TTC28: variants seen among roughly 807,000 people sequenced by gnomAD.
The protein encoded by TTC28 is tetratricopeptide repeat domain 28.
Under a neutral mutation model 198.0 loss-of-function variants are expected in TTC28, and 61 were observed. The ratio of observed to expected loss-of-function variants is 0.31; its 90% CI spans 0.25 to 0.38. TTC28 has a LOEUF of 0.38. Among genes scored for constraint, TTC28 ranks in the 10% least tolerant of loss-of-function variants. The pLI, the probability that TTC28 is intolerant of heterozygous loss-of-function variation, is 1.00. For synonymous variants in TTC28, 1,171 were observed against 1,297.8 expected, an observed-to-expected ratio of 0.90 and a Z score of 2.10; for missense variants, 2,678 against 3,164.0, an observed-to-expected ratio of 0.85 and a Z score of 3.69.
intron 2 of TTC28, among the ~76,000 whole-genome samples, chr22:28,567,961 A>T (rs561654386): frequency 2.0e-5 from 3 of 152,186 alleles, no homozygotes; most frequent in Non-Finnish European, 4.4e-5. Flanking sequence ...AGGGAAGTTT[A>T]GATAATTGGG....
At chr22:27,996,473 A>T (rs1937554431) in intron 16 of TTC28, 1 of 668,768 alleles carries the variant, frequency 1.5e-6, no homozygotes, top group African/African-American at 1.8e-5. Context: ...AATATTGTTC[A>T]GCTGTTCAGG....
intron 2 of TTC28, among the ~76,000 whole-genome samples, chr22:28,374,956 C>T (rs1296353657): frequency 6.6e-6 from 1 of 151,572 alleles, no homozygotes; most frequent in Non-Finnish European, 1.5e-5. Context: ...GGAGCAGTGG[C>T]TCATGCCTGT....
intron 6 of TTC28, among the ~76,000 whole-genome samples, chr22:28,114,940 A>G (rs1942591453): frequency 6.6e-6 from 1 of 152,102 alleles, no homozygotes; most frequent in Non-Finnish European, 1.5e-5. Flanking sequence ...ATTTGACTTC[A>G]GCTAAAAGCA....
chr22:28,025,788 T>C (rs1938807377), intron 13 of TTC28, among the ~76,000 whole-genome samples: 1 of 152,208 alleles, frequency 6.6e-6, no homozygotes, highest in African/African-American at 2.4e-5. Context: ...GAGGATCACT[T>C]GAGCCCAGGA....
Position 27,996,419 on chromosome 22 carries a change from G to A in TTC28, c.5120-160C>T, listed in dbSNP as rs1385208428. On this transcript the variant is annotated intron_variant, in intron 16 of 22. Transcript: ENST00000397906. ...GCTGGCCTGGGGCATCTGACTCACT[G>A]GATGGTGATGTGGCACCCTTTTGTC... is the stretch of plus-strand genomic sequence containing the variant. The A allele has an allele frequency of 1.1e-5, 11 of 1,007,734 alleles. No individual in the cohort carries two copies. The Admixed American group carries it at 3.1e-4, about 29-fold the overall frequency. 62.4% of individuals were successfully genotyped at this position (1,007,734 alleles called of 1,614,324 possible).
At chr22:28,084,580 T>C (rs1280048637) in intron 12 of TTC28, among the ~76,000 whole-genome samples, 2 of 152,052 alleles carry the variant, frequency 1.3e-5, no homozygotes, top group Admixed American at 6.6e-5. Flanking sequence ...GCAGAAAAAC[T>C]GGAAACTCTA....
At chr22:28,303,357 A>C (rs1377354004) in intron 3 of TTC28, among the ~76,000 whole-genome samples, 6 of 152,234 alleles carry the variant, frequency 3.9e-5, no homozygotes, top group Admixed American at 1.3e-4. Flanking sequence ...CATAAAAGAA[A>C]GTATCAATTT....
At chr22:28,111,528 AT>A (rs201771228) in intron 6 of TTC28, among the ~76,000 whole-genome samples, 10,701 of 149,282 alleles carry the variant, frequency 0.072, 434 homozygotes, top group South Asian at 0.093. Context: ...CTCAGAGGAA[AT>A]TTTTTTTTTT....
At chr22:28,221,336 T>C (rs1927841454) in intron 5 of TTC28, among the ~76,000 whole-genome samples, 1 of 152,190 alleles carries the variant, frequency 6.6e-6, no homozygotes, top group South Asian at 2.1e-4. Flanking sequence ...TGTCTGGACA[T>C]ACCACAGTTT....
At chr22:28,404,885 C>G (rs1484420173) in intron 2 of TTC28, among the ~76,000 whole-genome samples, 1 of 152,160 alleles carries the variant, frequency 6.6e-6, no homozygotes, top group Non-Finnish European at 1.5e-5. Flanking sequence ...TGGGAATGAC[C>G]AATGACTGAT....
At chr22:28,267,123 G>A (rs1931733014) in intron 5 of TTC28, among the ~76,000 whole-genome samples, 1 of 152,160 alleles carries the variant, frequency 6.6e-6, no homozygotes, top group South Asian at 2.1e-4. Flanking sequence ...ATCTCTAGGT[G>A]CATGTGGGGG....
At chr22:28,652,814 A>G (rs748871946) in intron 1 of TTC28, among the ~76,000 whole-genome samples, 11 of 152,188 alleles carry the variant, frequency 7.2e-5, no homozygotes, top group Admixed American at 2.0e-4. Flanking sequence ...AAGCATCTCA[A>G]TATTACAAAA....
chr22:28,552,300 T>A (rs893567764), intron 2 of TTC28, among the ~76,000 whole-genome samples: 2 of 152,082 alleles, frequency 1.3e-5, no homozygotes, highest in African/African-American at 4.8e-5. Flanking sequence ...AAAATGACCA[T>A]CTTGCCAAGA....
intron 2 of TTC28, among the ~76,000 whole-genome samples, chr22:28,468,500 A>G (rs2048054560): frequency 6.6e-6 from 1 of 151,856 alleles, no homozygotes; most frequent in East Asian, 1.9e-4. Context: ...TTTCATACTT[A>G]AAAGAGTTCA....
chr22:28,626,519 T>C (rs13433609), intron 2 of TTC28, among the ~76,000 whole-genome samples: 1,755 of 152,200 alleles, frequency 0.012, 32 homozygotes, highest in African/African-American at 0.04. Context: ...TGACAAAATT[T>C]CACCAGATAT....
At position 28,382,629 on chromosome 22, in the gene TTC28, C is replaced by A. The variant is rs543349762; in HGVS notation, c.382-75986G>T. Among the ~76,000 whole-genome samples, 14 of 152,256 alleles carry A rather than the reference C, an allele frequency of 9.2e-5. No homozygotes were observed. The East Asian group carries it at 2.7e-3, about 29-fold the overall frequency. On this transcript the variant is annotated intron_variant, in intron 2 of 22. Coordinates refer to ENST00000397906, the MANE Select transcript of TTC28 (RefSeq NM_001145418.2). ...TCCACATCTTCTGTGTAAACACCTT[C>A]AACATACTATCTTAATTATCAAAAG...
At chr22:28,032,257 ATATATATATAGT>A (rs1939155959) in intron 12 of TTC28, among the ~76,000 whole-genome samples, 33 of 86,796 alleles carry the variant, frequency 3.8e-4, no homozygotes, top group South Asian at 2.4e-3. Context: ...TAAAATATAT[ATATATATATAGT>A]GTGTGTGTGT....
chr22:28,254,255 C>A (rs1341420012), intron 5 of TTC28, among the ~76,000 whole-genome samples: 1 of 151,994 alleles, frequency 6.6e-6, no homozygotes, highest in African/African-American at 2.4e-5. Context: ...TGGAAACATA[C>A]TTTTGGTAAT....
At chr22:28,037,151 T>C (rs1273349294) in intron 12 of TTC28, among the ~76,000 whole-genome samples, 1 of 152,174 alleles carries the variant, frequency 6.6e-6, no homozygotes, top group Non-Finnish European at 1.5e-5. Context: ...GAGGGAATCC[T>C]CCCTAACTCA....
Sources: gnomAD v4.1 joint callset for allele counts (sites outside exome capture counted in the v4.1 genomes callset) on GRCh38, gnomAD v4.1.1 for gene constraint, MANE v1.5 for transcripts, NCBI Gene and HGNC (gene_info 2026-07-23, HGNC 2026-07-21) for gene names.